SHISA9: variants seen among roughly 807,000 people sequenced by gnomAD.
The protein encoded by SHISA9 is shisa family member 9.
Under a neutral mutation model 38.0 loss-of-function variants are expected in SHISA9, and 13 were observed. That is an observed-to-expected ratio of 0.34 (90% CI 0.22 to 0.54). The LOEUF (loss-of-function observed/expected upper bound fraction) is 0.54. SHISA9 is among the 20% of genes least tolerant of loss of function. SHISA9 has a pLI of 0.91. For missense variants in SHISA9, 538 were observed against 575.8 expected (o/e 0.93, Z 0.67); for synonymous variants, 275 against 242.0 (o/e 1.14, Z -1.27).
At chr16:13,067,013 A>C (rs2073443021) in intron 2 of SHISA9, among the ~76,000 whole-genome samples, 1 of 152,180 alleles carries the variant, frequency 6.6e-6, no homozygotes, top group African/African-American at 2.4e-5. Flanking sequence ...CTAGAGCTTT[A>C]AATGCTTTGG....
intron 1 of SHISA9, 127 bp from the exon 2 acceptor site, chr16:12,916,561 C>G (rs1316545919): frequency 8.7e-7 from 1 of 1,150,802 alleles, no homozygotes; most frequent in East Asian, 2.8e-5. Flanking sequence ...TACTCCACCC[C>G]TAACTAGAAT....
chr16:12,934,822 G>A (rs1038014840), intron 2 of SHISA9, among the ~76,000 whole-genome samples: 6 of 152,074 alleles, frequency 3.9e-5, no homozygotes, highest in Non-Finnish European at 8.8e-5. Flanking sequence ...TTTGTGTCAG[G>A]AAATTTTGGT....
chr16:13,015,413 A>G (rs1402658639), intron 2 of SHISA9, among the ~76,000 whole-genome samples: 3 of 152,282 alleles, frequency 2.0e-5, no homozygotes, highest in African/African-American at 7.2e-5. Context: ...GAGAAGGTCA[A>G]AGCTCAAAGA....
intron 2 of SHISA9, among the ~76,000 whole-genome samples, chr16:13,071,577 C>CTTCCTTCCTTCCT (rs148817728): frequency 7.3e-6 from 1 of 136,516 alleles, no homozygotes; most frequent in African/African-American, 3.5e-5. Context: ...TCCTCCCTTC[C>CTTCCTTCCTTCCT]TCCCTTCCTT....
chr16:13,442,840 A>C, the SHISA9 span, among the ~76,000 whole-genome samples: 1 of 152,326 alleles, frequency 6.6e-6, no homozygotes, highest in East Asian at 1.9e-4. Context: ...GGCTGGTGGA[A>C]GGGTGCATGG....
At chr16:13,309,180 T>TG in the SHISA9 span, among the ~76,000 whole-genome samples, 1 of 151,974 alleles carries the variant, frequency 6.6e-6, no homozygotes, top group African/African-American at 2.4e-5. Context: ...GTTAATATGC[T>TG]GGGGGGCCAG....
the SHISA9 span, among the ~76,000 whole-genome samples, chr16:13,250,436 CAT>C: frequency 6.6e-6 from 1 of 152,142 alleles, no homozygotes; most frequent in Non-Finnish European, 1.5e-5. Context: ...CTCCTAAGAG[CAT>C]TAGGATAGGA....
At chr16:13,516,761 G>T in the SHISA9 span, among the ~76,000 whole-genome samples, 2 of 149,502 alleles carry the variant, frequency 1.3e-5, no homozygotes, top group African/African-American at 5.0e-5. Context: ...CTGTGCCACT[G>T]CACTCTAGCC....
rs149308972 is a variant in SHISA9, at chr16:13,229,482, C to T, written c.896-5548C>T. Among the ~76,000 whole-genome samples, 402 of 152,218 alleles carry T rather than the reference C, an allele frequency of 2.6e-3. 1 individual carries two copies. Among genetic ancestry groups the T allele is most frequent in the African/African-American group, 7.6e-3 (314 of 41,522 alleles). On this transcript the variant is annotated intron_variant, in intron 4 of 4. Transcript: ENST00000558583. Reference sequence around the variant, plus strand: ...CCCCTATGTGCTGGAACTGTGAAAACGACAGAGGCTATCCCTGTGGTTCTC... The same window carrying T: ...CCCCTATGTGCTGGAACTGTGAAAATGACAGAGGCTATCCCTGTGGTTCTC...
At chr16:13,413,239 A>G in the SHISA9 span, among the ~76,000 whole-genome samples, 1 of 152,240 alleles carries the variant, frequency 6.6e-6, no homozygotes, top group Non-Finnish European at 1.5e-5. Context: ...CTATGATCAA[A>G]TATCAGTGAA....
the SHISA9 span, among the ~76,000 whole-genome samples, chr16:13,513,218 A>G: frequency 1.3e-5 from 2 of 152,242 alleles, no homozygotes; most frequent in Non-Finnish European, 2.9e-5. Flanking sequence ...GACACTTCTC[A>G]AAAGAAGACA....
At chr16:13,112,362 G>C (rs534242020) in intron 2 of SHISA9, among the ~76,000 whole-genome samples, 1 of 151,838 alleles carries the variant, frequency 6.6e-6, no homozygotes, top group Non-Finnish European at 1.5e-5. Flanking sequence ...GGGAAGTGAA[G>C]AAGAAGGGAA....
the SHISA9 span, among the ~76,000 whole-genome samples, chr16:13,279,042 C>T: frequency 6.6e-6 from 1 of 151,958 alleles, no homozygotes; most frequent in Non-Finnish European, 1.5e-5. Flanking sequence ...GATGTAGGCA[C>T]TTAGGGCTAT....
the SHISA9 span, among the ~76,000 whole-genome samples, chr16:13,248,155 A>G: frequency 6.6e-6 from 1 of 152,128 alleles, no homozygotes; most frequent in South Asian, 2.1e-4. Flanking sequence ...TTGCCATGAG[A>G]ATTTTCCTCA....
intron 2 of SHISA9, among the ~76,000 whole-genome samples, chr16:13,108,754 A>G (rs2073950223): frequency 6.6e-6 from 1 of 152,156 alleles, no homozygotes; most frequent in Non-Finnish European, 1.5e-5. Context: ...ATTTGATTTG[A>G]TCTTTTTCAT....
At chr16:13,034,038 G>C (rs186231094) in intron 2 of SHISA9, among the ~76,000 whole-genome samples, 1 of 151,952 alleles carries the variant, frequency 6.6e-6, no homozygotes, top group Non-Finnish European at 1.5e-5. Context: ...GCAGCTACTC[G>C]GGAGGCTGAG....
At chr16:13,532,683 C>T in the SHISA9 span, among the ~76,000 whole-genome samples, 1 of 152,040 alleles carries the variant, frequency 6.6e-6, no homozygotes, top group Admixed American at 6.6e-5. Flanking sequence ...CACATGGCTG[C>T]CTTCTGACAA....
chr16:13,041,509 G>A (rs939420624), intron 2 of SHISA9, among the ~76,000 whole-genome samples: 1 of 152,208 alleles, frequency 6.6e-6, no homozygotes, highest in Non-Finnish European at 1.5e-5. Flanking sequence ...TCTGTAGACT[G>A]CTTTCTATTC....
intron 2 of SHISA9, among the ~76,000 whole-genome samples, chr16:13,076,869 A>G (rs900582632): frequency 2.0e-5 from 3 of 152,218 alleles, no homozygotes; most frequent in African/African-American, 7.2e-5. Flanking sequence ...TGTACATAGT[A>G]GGCCCTCAGT....
Sources: gnomAD v4.1 joint callset for allele counts (sites outside exome capture counted in the v4.1 genomes callset) on GRCh38, gnomAD v4.1.1 for gene constraint, MANE v1.5 for transcripts, NCBI Gene and HGNC (gene_info 2026-07-23, HGNC 2026-07-21) for gene names.